ANAPC10: variants seen among roughly 807,000 people sequenced by gnomAD.
ANAPC10 encodes anaphase promoting complex subunit 10.
Under a neutral mutation model 22.0 loss-of-function variants are expected in ANAPC10, and 12 were observed. The ratio of observed to expected loss-of-function variants is 0.55; its 90% CI spans 0.35 to 0.88. The LOEUF (loss-of-function observed/expected upper bound fraction) is 0.88. Among genes scored for constraint, ANAPC10 ranks in the 40% least tolerant of loss-of-function variants. The probability of loss-of-function intolerance (pLI) is 0.01; values close to 1 mark genes in which losing one functional copy is unlikely to be tolerated. For missense variants in ANAPC10, 188 were observed against 220.9 expected (o/e 0.85, Z 0.94); for synonymous variants, 65 against 69.5 (o/e 0.94, Z 0.32).
At chr4:145,053,595 G>C (rs1437103952) in intron 4 of ANAPC10, 1 of 427,326 alleles carries the variant, frequency 2.3e-6, no homozygotes, top group Non-Finnish European at 4.1e-6. Context: ...TCAAATACAA[G>C]AGGAAAGATT....
At chr4:145,071,266 C>T (rs547712366) in intron 3 of ANAPC10, among the ~76,000 whole-genome samples, 3 of 152,122 alleles carry the variant, frequency 2.0e-5, no homozygotes, top group Non-Finnish European at 2.9e-5. Context: ...ATTAGCCAGG[C>T]GTGGTGATGC....
At chr4:145,047,333 C>G (rs958315789) in intron 4 of ANAPC10, among the ~76,000 whole-genome samples, 1 of 152,120 alleles carries the variant, frequency 6.6e-6, no homozygotes, top group African/African-American at 2.4e-5. Context: ...GGTTATGAAA[C>G]AGACTGGGTT....
intron 4 of ANAPC10, among the ~76,000 whole-genome samples, chr4:145,063,514 A>G (rs1400574447): frequency 6.6e-6 from 1 of 152,154 alleles, no homozygotes; most frequent in Non-Finnish European, 1.5e-5. Flanking sequence ...ACTAAGTCAA[A>G]TAAGAGCCAA....
chr4:145,061,873 C>T (rs565548116), intron 4 of ANAPC10, among the ~76,000 whole-genome samples: 1 of 151,980 alleles, frequency 6.6e-6, no homozygotes, highest in African/African-American at 2.4e-5. Context: ...TTTGGGAGGC[C>T]GAGGTGGATA....
At chr4:145,023,211 G>C (rs1021134111) in intron 4 of ANAPC10, among the ~76,000 whole-genome samples, 1 of 151,938 alleles carries the variant, frequency 6.6e-6, no homozygotes, top group African/African-American at 2.4e-5. Flanking sequence ...TTCCATCTAT[G>C]CAAAGTGAAA....
At chr4:145,046,275 A>G (rs1301306406) in intron 4 of ANAPC10, among the ~76,000 whole-genome samples, 1 of 152,140 alleles carries the variant, frequency 6.6e-6, no homozygotes, top group African/African-American at 2.4e-5. Flanking sequence ...ATGCCCATTT[A>G]TACTCCCTAC....
At chr4:145,014,466 C>T (rs941514725) in intron 4 of ANAPC10, among the ~76,000 whole-genome samples, 30 of 152,130 alleles carry the variant, frequency 2.0e-4, no homozygotes, top group African/African-American at 7.0e-4. Context: ...CTCAGACACA[C>T]CAAACCCTGC....
At chr4:145,025,929 T>C (rs1337589406) in intron 4 of ANAPC10, among the ~76,000 whole-genome samples, 1 of 152,162 alleles carries the variant, frequency 6.6e-6, no homozygotes, top group Non-Finnish European at 1.5e-5. Context: ...CCCACTCTTA[T>C]AGAAAACTAA....
intron 4 of ANAPC10, among the ~76,000 whole-genome samples, chr4:145,023,909 G>C (rs755175055): frequency 6.6e-6 from 1 of 152,132 alleles, no homozygotes; most frequent in Admixed American, 6.6e-5. Flanking sequence ...CTGTTTAGTA[G>C]TATTTTACTT....
At chr4:145,008,549 C>T (rs531981758) in intron 4 of ANAPC10, among the ~76,000 whole-genome samples, 149 of 151,510 alleles carry the variant, frequency 9.8e-4, no homozygotes, top group African/African-American at 3.4e-3. Flanking sequence ...AATCAATAAA[C>T]GTAATCCATC....
chr4:145,059,150 T>C (rs1579067692), intron 4 of ANAPC10, among the ~76,000 whole-genome samples: 1 of 152,128 alleles, frequency 6.6e-6, no homozygotes, highest in Admixed American at 6.5e-5. Flanking sequence ...AGAAAGCAAA[T>C]ATAAGTAGAT....
intron 4 of ANAPC10, among the ~76,000 whole-genome samples, chr4:145,007,650 C>G (rs1045361871): frequency 2.6e-5 from 4 of 152,070 alleles, no homozygotes; most frequent in African/African-American, 9.7e-5. Flanking sequence ...ACACAACAAA[C>G]CAGAATCTCT....
At chr4:145,017,670 C>G (rs1311433990) in intron 4 of ANAPC10, among the ~76,000 whole-genome samples, 2 of 152,044 alleles carry the variant, frequency 1.3e-5, no homozygotes, top group African/African-American at 2.4e-5. Flanking sequence ...CACATGCACA[C>G]GTATGTTTAT....
At chr4:145,076,469 T>G (rs893769021) in intron 3 of ANAPC10, among the ~76,000 whole-genome samples, 6 of 152,110 alleles carry the variant, frequency 3.9e-5, no homozygotes, top group African/African-American at 1.4e-4. Flanking sequence ...ACTTCAAAGA[T>G]TAAAGGAACA....
At chr4:145,076,939 C>G (rs1013198764) in intron 3 of ANAPC10, among the ~76,000 whole-genome samples, 1 of 152,216 alleles carries the variant, frequency 6.6e-6, no homozygotes, top group African/African-American at 2.4e-5. Flanking sequence ...GTGGCTCACA[C>G]CTGTAATCCC....
chr4:145,072,819 T>G (rs1744671422), intron 3 of ANAPC10, among the ~76,000 whole-genome samples: 1 of 152,124 alleles, frequency 6.6e-6, no homozygotes, highest in Non-Finnish European at 1.5e-5. Flanking sequence ...CCAATGAATA[T>G]CTAGTTGAGT....
intron 4 of ANAPC10, among the ~76,000 whole-genome samples, chr4:145,018,460 C>T (rs536022631): frequency 1.3e-5 from 2 of 151,832 alleles, no homozygotes; most frequent in East Asian, 3.9e-4. Context: ...ATGGTGAAAC[C>T]CCATCTCTAC....
At chr4:145,083,166 TAACA>T (rs1246825392) in intron 2 of ANAPC10, among the ~76,000 whole-genome samples, 2 of 152,168 alleles carry the variant, frequency 1.3e-5, no homozygotes, top group Admixed American at 6.5e-5. Flanking sequence ...ATAATAACAA[TAACA>T]AACACTGATA....
intron 4 of ANAPC10, among the ~76,000 whole-genome samples, chr4:145,027,624 A>C (rs1007649010): frequency 1.3e-5 from 2 of 152,224 alleles, no homozygotes; most frequent in African/African-American, 4.8e-5. Flanking sequence ...CTTGAGAGAA[A>C]AATAGATCAC....
Sources: gnomAD v4.1 joint callset for allele counts (sites outside exome capture counted in the v4.1 genomes callset) on GRCh38, gnomAD v4.1.1 for gene constraint, MANE v1.5 for transcripts, NCBI Gene and HGNC (gene_info 2026-07-23, HGNC 2026-07-21) for gene names.